ZNF490: variants seen among roughly 807,000 people sequenced by gnomAD.
ZNF490 encodes zinc finger protein 490.
Under a neutral mutation model 17.7 loss-of-function variants are expected in ZNF490, and 11 were observed. That is an observed-to-expected ratio of 0.62 (90% CI 0.39 to 1.03). The LOEUF is 1.03. ZNF490 is among the 50% of genes least tolerant of loss of function. The pLI is 0.00. For missense variants in ZNF490, 542 were observed against 643.4 expected (o/e 0.84, Z 1.71); for synonymous variants, 222 against 216.1 (o/e 1.03, Z -0.24).
At chr19:12,592,637 T>C (rs193055867) in intron 2 of ZNF490, among the ~76,000 whole-genome samples, 1 of 152,262 alleles carries the variant, frequency 6.6e-6, no homozygotes, top group Non-Finnish European at 1.5e-5. Flanking sequence ...GATGCAGCTA[T>C]GATGAATAGC....
intron 2 of ZNF490, among the ~76,000 whole-genome samples, chr19:12,586,278 G>A (rs1433383608): frequency 3.3e-5 from 3 of 91,950 alleles, no homozygotes; most frequent in Admixed American, 3.1e-4. Flanking sequence ...CAGCCTGGGC[G>A]ACAGAGCGAA....
At chr19:12,593,616 CAT>C (rs2022897722) in intron 2 of ZNF490, among the ~76,000 whole-genome samples, 1 of 152,158 alleles carries the variant, frequency 6.6e-6, no homozygotes, top group Non-Finnish European at 1.5e-5. Flanking sequence ...AGTGTGTAAA[CAT>C]GTGCAGATGG....
At chr19:12,582,954 T>C (rs749712292) in intron 3 of ZNF490, 44 bp from the exon 4 acceptor site, 1 of 1,466,176 alleles carries the variant, frequency 6.8e-7, no homozygotes, top group African/African-American at 1.4e-5. Flanking sequence ...TATTAGAAAT[T>C]ATAGAAAATT....
chr19:12,604,307 G>A (rs536573775), intron 2 of ZNF490, among the ~76,000 whole-genome samples: 41 of 152,076 alleles, frequency 2.7e-4, no homozygotes, highest in African/African-American at 8.4e-4. Flanking sequence ...CTTGAGGTCA[G>A]GAGTTCAAGA....
rs370093548 is a variant in ZNF490 at position 12,585,389 on chromosome 19, G to T, written c.163-1833C>A. ...TCTCTCCCCCGACTTTGGGGGCTAG[G>T]GCTAGAGGAAGATCAAGACTGGGTG... On this transcript the variant is annotated intron_variant, in intron 2 of 4. Transcript: ENST00000311437. Among the ~76,000 whole-genome samples the T allele has an allele frequency of 1.3e-4, 12 of 92,750 alleles. 3 individuals carry two copies. Among genetic ancestry groups the T allele is most frequent in the Admixed American group, 1.0e-3 (10 of 9,894 alleles). 60.8% of individuals were successfully genotyped at this position (92,750 alleles called of 152,430 possible). A position where few individuals can be genotyped will look rare whatever the true frequency, so the allele number is the denominator to read the frequency against.
At chr19:12,599,537 G>T (rs181891635) in intron 2 of ZNF490, among the ~76,000 whole-genome samples, 1 of 152,320 alleles carries the variant, frequency 6.6e-6, no homozygotes, top group Non-Finnish European at 1.5e-5. Context: ...ATGCTAGAAT[G>T]AGTCAGACCT....
In ZNF490 at chr19:12,578,241, A is replaced by G. The variant is rs1475539355; in HGVS notation, c.*2244T>C. On this transcript the variant is annotated 3_prime_UTR_variant, in exon 5 of 5. Coordinates refer to ENST00000311437, the MANE Select transcript of ZNF490 (RefSeq NM_020714.3). ...TATCTCAGGGTAGAATGTGCCAGAA[A>G]ACAGGGAAAGCAAGTTAGGGGAGGT... 3.7e-5 allele frequency: 36 copies of G among 985,462 alleles called. No individual in the cohort carries two copies. Among genetic ancestry groups the G allele is most frequent in the Non-Finnish European group, 4.2e-5 (35 of 830,054 alleles). The allele number at this position is 985,462 out of a possible 1,614,324, so 61.0% of individuals were successfully genotyped here.
chr19:12,602,823 G>A (rs998435558), intron 2 of ZNF490, among the ~76,000 whole-genome samples: 6 of 151,738 alleles, frequency 4.0e-5, no homozygotes, highest in South Asian at 4.2e-4. Flanking sequence ...ACAAGGTTTC[G>A]CCATGTTGGC....
At chr19:12,606,787 C>T (rs1244227668) in intron 2 of ZNF490, among the ~76,000 whole-genome samples, 1 of 151,988 alleles carries the variant, frequency 6.6e-6, no homozygotes, top group Non-Finnish European at 1.5e-5. Flanking sequence ...AGTATCATTT[C>T]CATATGGTAG....
intron 2 of ZNF490, among the ~76,000 whole-genome samples, chr19:12,591,354 C>T (rs1471467580): frequency 2.0e-5 from 3 of 151,294 alleles, no homozygotes; most frequent in Non-Finnish European, 2.9e-5. Context: ...TACGCCACTG[C>T]ACTCCAGCCT....
chr19:12,583,019 T>C, intron 3 of ZNF490, 109 bp from the exon 4 acceptor site: 1 of 900,424 alleles, frequency 1.1e-6, no homozygotes, highest in Non-Finnish European at 1.7e-6. Context: ...CTGTCTGATC[T>C]ACTTACTAAA....
chr19:12,589,748 A>G (rs1409489162), intron 2 of ZNF490, among the ~76,000 whole-genome samples: 2 of 152,002 alleles, frequency 1.3e-5, no homozygotes, highest in African/African-American at 4.8e-5. Context: ...GGCAAGAGGA[A>G]CTTCTTGAGA....
intron 2 of ZNF490, among the ~76,000 whole-genome samples, chr19:12,605,456 G>A (rs1158933075): frequency 6.6e-6 from 1 of 150,978 alleles, no homozygotes; most frequent in Non-Finnish European, 1.5e-5. Flanking sequence ...ACTCCAGCCT[G>A]GGAGACAGAG....
At chr19:12,596,314 G>C (rs938272237) in intron 2 of ZNF490, among the ~76,000 whole-genome samples, 1 of 147,048 alleles carries the variant, frequency 6.8e-6, no homozygotes, top group Non-Finnish European at 1.5e-5. Flanking sequence ...GGAAAGAAAC[G>C]CAAATGTTTT....
chr19:12,583,474 T>A lies in ZNF490; in HGVS notation c.245A>T (p.Tyr82Phe). Residue 82 changes from tyrosine to phenylalanine, a missense_variant, in exon 3 of 5, where the codon TAC (tyrosine) becomes TTC (phenylalanine). Coordinates refer to ENST00000311437, the MANE Select transcript of ZNF490 (RefSeq NM_020714.3). ...ALLDPGQRNIYRDVMRATFKN... is the reference protein window; with the variant it reads ...ALLDPGQRNIFRDVMRATFKN... ...GAAGGTTGCCCGCATCACATCTCTGTAGATATTCCTCTGGCCAGGATCCAG... is the reference window on the plus strand; with the variant it reads ...GAAGGTTGCCCGCATCACATCTCTGAAGATATTCCTCTGGCCAGGATCCAG... 1 of 1,606,960 alleles carries A rather than the reference T, an allele frequency of 6.2e-7. No homozygotes were observed. Among genetic ancestry groups the A allele is most frequent in the Non-Finnish European group, 8.5e-7 (1 of 1,175,452 alleles).
Position 12,587,765 on chromosome 19 carries a change from G to C in ZNF490, c.163-4209C>G, listed in dbSNP as rs1413633710. Reference sequence around the variant, plus strand: ...GGCTGGAGTGCAGTGGCGCAATCTTGGCTCACTGCAACCTCCACCTCCCGG... The same window carrying C: ...GGCTGGAGTGCAGTGGCGCAATCTTCGCTCACTGCAACCTCCACCTCCCGG... On this transcript the variant is annotated intron_variant, in intron 2 of 4. Transcript: ENST00000311437. Among the ~76,000 whole-genome samples the C allele has an allele frequency of 2.2e-5, 2 of 92,336 alleles. 1 individual carries two copies. Among genetic ancestry groups the C allele is most frequent in the Non-Finnish European group, 5.8e-5 (2 of 34,368 alleles). The allele number at this position is 92,336 out of a possible 152,430, so 60.6% of individuals were successfully genotyped here. A position where few individuals can be genotyped will look rare whatever the true frequency, so the allele number is the denominator to read the frequency against.
intron 2 of ZNF490, among the ~76,000 whole-genome samples, chr19:12,596,401 G>A (rs537484923): frequency 6.6e-6 from 1 of 152,190 alleles, no homozygotes; most frequent in East Asian, 1.9e-4. Context: ...ACATTCACAA[G>A]GGCCAGGCAT....
At chr19:12,609,312 G>C (rs1451798276) in intron 1 of ZNF490, 110 bp from the exon 2 acceptor site, 2 of 860,232 alleles carry the variant, frequency 2.3e-6, no homozygotes, top group Admixed American at 2.0e-5. Flanking sequence ...TGTACACACA[G>C]AGCTACCAGA....
chr19:12,597,009 T>C, intron 2 of ZNF490: 1 of 418,460 alleles, frequency 2.4e-6, no homozygotes, highest in Non-Finnish European at 4.9e-6. Context: ...ACAGAACGCC[T>C]GAGGTCCCAG....
Sources: allele counts gnomAD v4.1 joint callset (sites outside exome capture counted in the v4.1 genomes callset), GRCh38; gene constraint gnomAD v4.1.1; transcripts MANE v1.5; gene names NCBI Gene and HGNC (gene_info 2026-07-23, HGNC 2026-07-21).